COL5A2: variants seen among roughly 807,000 people sequenced by gnomAD.
COL5A2 encodes the protein collagen type V alpha 2 chain.
Under a neutral mutation model 208.2 loss-of-function variants are expected in COL5A2, and 23 were observed. The observed-to-expected ratio is 0.11, with a 90% confidence interval of 0.08 to 0.16. COL5A2 has a LOEUF of 0.16. Among genes scored for constraint, COL5A2 ranks in the 10% least tolerant of loss-of-function variants. The probability of loss-of-function intolerance (pLI) is 1.00; values close to 1 mark genes in which losing one functional copy is unlikely to be tolerated. For synonymous variants in COL5A2, 625 were observed against 628.5 expected (o/e 0.99, Z 0.08); for missense variants, 1,590 against 1,956.4 (o/e 0.81, Z 3.53).
At chr2:189,161,178 A>G (rs1688356751) in intron 1 of COL5A2, among the ~76,000 whole-genome samples, 1 of 150,926 alleles carries the variant, frequency 6.6e-6, no homozygotes, top group African/African-American at 2.4e-5. Context: ...CATTTCTGCT[A>G]GTTACTATAC....
At chr2:189,122,156 C>T (rs1559113954) in intron 1 of COL5A2, among the ~76,000 whole-genome samples, 1 of 152,188 alleles carries the variant, frequency 6.6e-6, no homozygotes, top group Non-Finnish European at 1.5e-5. Flanking sequence ...AAAGTATCTT[C>T]TATCCAGTTG....
At chr2:189,205,848 G>T (rs1689137302) in intron 1 of COL5A2, among the ~76,000 whole-genome samples, 1 of 152,038 alleles carries the variant, frequency 6.6e-6, no homozygotes, top group Non-Finnish European at 1.5e-5. Context: ...AATAGAATTA[G>T]GATATCACAT....
At chr2:189,040,708 T>C (rs1177049227) in intron 50 of COL5A2, among the ~76,000 whole-genome samples, 2 of 152,198 alleles carry the variant, frequency 1.3e-5, no homozygotes, top group Non-Finnish European at 2.9e-5. Context: ...CATGCGTTCC[T>C]TTATACTAAT....
Position 189,068,859 on chromosome 2 carries a change from C to G in COL5A2, c.1184G>C (p.Arg395Pro). The G allele has an allele frequency of 1.2e-6, 2 of 1,612,926 alleles. 1 individual carries two copies. ...MKGEAGPTGA[R>P]GPEGPQGQRG... The stretch of plus-strand genomic sequence containing the variant: ...CTGCCCCTGAGGACCTTCAGGGCCT[C>G]GCGCCCCTGTAGGACCTGCTTCTCC... The change falls in exon 19 of 54, where the codon CGA becomes CCA. Residue 395 changes from arginine to proline, a missense_variant. Transcript: ENST00000374866.
the COL5A2 span, among the ~76,000 whole-genome samples, chr2:189,384,698 G>A: frequency 6.6e-6 from 1 of 152,102 alleles, no homozygotes; most frequent in African/African-American, 2.4e-5. Flanking sequence ...TCTGAGAGTT[G>A]TCTCTTCAAT....
the COL5A2 span, among the ~76,000 whole-genome samples, chr2:189,398,727 T>C: frequency 1.3e-5 from 2 of 152,204 alleles, no homozygotes; most frequent in South Asian, 4.1e-4. Flanking sequence ...TGTCATTTAA[T>C]TGGTGTCATT....
At chr2:189,187,548 G>A (rs903348436) in intron 1 of COL5A2, among the ~76,000 whole-genome samples, 1 of 152,174 alleles carries the variant, frequency 6.6e-6, no homozygotes. Flanking sequence ...AGTATTAAAT[G>A]AGTTGAAATT....
At chr2:189,325,624 ATT>A in the COL5A2 span, among the ~76,000 whole-genome samples, 3 of 152,008 alleles carry the variant, frequency 2.0e-5, no homozygotes, top group African/African-American at 7.2e-5. Context: ...ATTTACTCTT[ATT>A]TGTTTGTATA....
At chr2:189,311,192 AT>A in the COL5A2 span, 1,344 of 921,506 alleles carry the variant, frequency 1.5e-3, 1 homozygote, top group Non-Finnish European at 1.7e-3. Context: ...TGGCCAGACT[AT>A]TTTTTTTTCA....
rs773302968 is a variant in COL5A2 at position 189,097,260 on chromosome 2, C to A, written c.456+17G>T. 2 of 1,613,608 alleles carry A rather than the reference C, an allele frequency of 1.2e-6. No individual in the cohort carries two copies. Among genetic ancestry groups the A allele is most frequent in the Non-Finnish European group, 1.7e-6 (2 of 1,179,572 alleles). On this transcript the variant is annotated intron_variant, in intron 6 of 53. Transcript: ENST00000374866. Reference sequence around the variant, plus strand: ...CTGGCTGTACGTTCCCCACAAGGAGCCCTCCTGTCAACTTACAGGTCTTCC... The same window carrying A: ...CTGGCTGTACGTTCCCCACAAGGAGACCTCCTGTCAACTTACAGGTCTTCC...
At chr2:189,071,549 T>C (rs970514040) in intron 18 of COL5A2, among the ~76,000 whole-genome samples, 1 of 152,198 alleles carries the variant, frequency 6.6e-6, no homozygotes, top group Non-Finnish European at 1.5e-5. Context: ...ACTCCTTTAA[T>C]GGCTTCATAG....
intron 6 of COL5A2, among the ~76,000 whole-genome samples, chr2:189,093,184 ACGTCCTCAGTTCTGGAAATGCTC>A (rs1686824665): frequency 6.6e-6 from 1 of 152,150 alleles, no homozygotes; most frequent in African/African-American, 2.4e-5. Flanking sequence ...GGGAACAGCC[ACGTCCTCAGTTCTGGAAATGCTC>A]CGTCCTCTAA....
chr2:189,058,823 T>G (rs954982754), intron 32 of COL5A2, 26 bp downstream of exon 32: 2 of 1,608,212 alleles, frequency 1.2e-6, no homozygotes, highest in Non-Finnish European at 1.7e-6. Flanking sequence ...GGAAACAACA[T>G]TAATCATGAA....
At chr2:189,212,393 T>C (rs1414754861) in intron 1 of COL5A2, among the ~76,000 whole-genome samples, 1 of 151,978 alleles carries the variant, frequency 6.6e-6, no homozygotes, top group African/African-American at 2.4e-5. Context: ...ATCACAGCAC[T>C]TTGGGAGGCA....
intron 6 of COL5A2, among the ~76,000 whole-genome samples, chr2:189,096,631 A>T (rs951135553): frequency 2.0e-5 from 3 of 151,512 alleles, no homozygotes; most frequent in Admixed American, 2.0e-4. Context: ...CAAAAAAAAA[A>T]AAAAAAAGAA....
intron 2 of COL5A2, among the ~76,000 whole-genome samples, chr2:189,107,700 CTG>C (rs1046660751): frequency 1.3e-5 from 2 of 149,286 alleles, no homozygotes; most frequent in Admixed American, 1.3e-4. Flanking sequence ...AAATGTTTCA[CTG>C]TGTTTTCAAG....
intron 52 of COL5A2, among the ~76,000 whole-genome samples, chr2:189,035,600 A>C (rs1233903356): frequency 6.6e-6 from 1 of 152,098 alleles, no homozygotes; most frequent in African/African-American, 2.4e-5. Context: ...ATTTTTCTAG[A>C]GACTCTTTCC....
chr2:189,206,803 G>T (rs551328171), intron 1 of COL5A2, among the ~76,000 whole-genome samples: 1 of 152,270 alleles, frequency 6.6e-6, no homozygotes, highest in East Asian at 1.9e-4. Context: ...GGAAGATTTG[G>T]ATAACAATGA....
chr2:189,368,251 C>T, the COL5A2 span, among the ~76,000 whole-genome samples: 2 of 152,132 alleles, frequency 1.3e-5, no homozygotes, highest in African/African-American at 4.8e-5. Context: ...AGTCTAGAAA[C>T]ATACCTTAAA....
Sources: gnomAD v4.1 joint callset for allele counts (sites outside exome capture counted in the v4.1 genomes callset) on GRCh38, gnomAD v4.1.1 for gene constraint, MANE v1.5 for transcripts, NCBI Gene and HGNC (gene_info 2026-07-23, HGNC 2026-07-21) for gene names.